The following ATM variants were observed in gnomAD, a reference collection of about 807,000 sequenced individuals.
ATM encodes ATM serine/threonine kinase.
In ATM, 308 loss-of-function variants were observed where a neutral mutation model predicts 387.0. The observed-to-expected ratio is 0.80, with a 90% CI of 0.73 to 0.87. ATM has a LOEUF of 0.87. Ranked by LOEUF, ATM falls within the 40% of genes least tolerant of loss-of-function variation. The probability of loss-of-function intolerance (pLI) is 0.00; values close to 1 mark genes in which losing one functional copy is unlikely to be tolerated. For synonymous variants in ATM, 1,156 were observed against 1,187.3 expected (o/e 0.97, Z 0.54); for missense variants, 3,312 against 3,560.9 (o/e 0.93, Z 1.78).
Position 108,279,617 on chromosome 11 carries a change from A to G in ATM, c.3402+9A>G, listed in dbSNP as rs761919506. ...AAGGAATGAGAGAAATGGTAATTTT[A>G]AGTAACATGTATTTGCTGTTATCAT... On this transcript the variant is annotated intron_variant, in intron 23 of 62. Coordinates refer to ENST00000675843, the MANE Select transcript of ATM (RefSeq NM_000051.4). 13 of 1,578,910 alleles carry G rather than the reference A, an allele frequency of 8.2e-6. No homozygotes were observed. Among genetic ancestry groups the G allele is most frequent in the Admixed American group, 1.7e-5 (1 of 59,944 alleles).
intron 4 of ATM, among the ~76,000 whole-genome samples, chr11:108,232,527 C>CTTTTTTT (rs71047685): frequency 1.7e-5 from 1 of 58,178 alleles, no homozygotes; most frequent in Non-Finnish European, 3.1e-5. Context: ...GATTTCTCTC[C>CTTTTTTT]TTTTTTTTTT....
rs550902474 is a variant in ATM at position 108,266,258 on chromosome 11, G to T, written c.2467-913G>T. On this transcript the variant is annotated intron_variant, in intron 16 of 62. Coordinates refer to ENST00000675843, the MANE Select transcript of ATM (RefSeq NM_000051.4). ...CCAAATGTCCAACAATGATAGACTG[G>T]ATTAAGAAACTGTGGCACATATACA... is the stretch of plus-strand genomic sequence containing the variant. 1.5e-4 allele frequency among the ~76,000 whole-genome samples: 22 copies of T among 151,610 alleles called. No homozygotes were observed. The East Asian group carries it at 4.3e-3, about 30-fold the overall frequency.
At chr11:108,290,936 A>G (rs764587121) in intron 29 of ATM, among the ~76,000 whole-genome samples, 3 of 152,042 alleles carry the variant, frequency 2.0e-5, no homozygotes, top group Non-Finnish European at 2.9e-5. Context: ...AAATGTTACT[A>G]TAGAATTGGG....
At chr11:108,288,109 G>A (rs1211277571) in intron 27 of ATM, among the ~76,000 whole-genome samples, 1 of 148,708 alleles carries the variant, frequency 6.7e-6, no homozygotes. Flanking sequence ...TCACTCTGTT[G>A]CCCTGGCTGG....
chr11:108,310,152 T>C lies in ATM; in HGVS notation c.5763-8T>C. ...AAGTGAATGACATTATATCTCATTT[T>C]TCTTTAGACCTTCTTCAGGAACAAT... is the stretch of plus-strand genomic sequence containing the variant. On this transcript the variant is annotated splice_polypyrimidine_tract_variant and splice_region_variant and intron_variant, in intron 38 of 62. Transcript: ENST00000675843. 6.2e-7 allele frequency: 1 copy of C among 1,612,054 alleles called. No individual in the cohort carries two copies. The highest frequency in any genetic ancestry group is 8.5e-7 in the Non-Finnish European group (1 of 1,178,612).
rs753483198 is a variant in ATM, at chr11:108,302,830, T to A, written c.5320-23T>A. 1.5e-5 allele frequency: 24 copies of A among 1,591,846 alleles called. No homozygotes were observed. The Admixed American group carries it at 3.8e-4, about 26-fold the overall frequency. ...ATGATTTCCACTTCTCTTATTTACATTTTCTAATCCCTTTCTTTCTAGTTT... is the reference window on the plus strand; with the variant it reads ...ATGATTTCCACTTCTCTTATTTACAATTTCTAATCCCTTTCTTTCTAGTTT... On this transcript the variant is annotated intron_variant, in intron 35 of 62. Coordinates refer to ENST00000675843, the MANE Select transcript of ATM (RefSeq NM_000051.4).
At chr11:108,348,983 G>A (rs879455041) in intron 59 of ATM, among the ~76,000 whole-genome samples, 7 of 151,990 alleles carry the variant, frequency 4.6e-5, no homozygotes, top group Admixed American at 2.6e-4. Context: ...ATGTAATGAC[G>A]GAGATCCAGA....
intron 61 of ATM, among the ~76,000 whole-genome samples, chr11:108,362,500 G>A (rs1004864526): frequency 6.0e-5 from 9 of 149,328 alleles, no homozygotes; most frequent in African/African-American, 1.7e-4. Context: ...ACATGCACAC[G>A]TATGTTTATT....
At chr11:108,320,908 C>A (rs1456008007) in intron 44 of ATM, among the ~76,000 whole-genome samples, 1 of 152,062 alleles carries the variant, frequency 6.6e-6, no homozygotes, top group Non-Finnish European at 1.5e-5. Context: ...CATATTCTTA[C>A]AATAAAGTAA....
At chr11:108,344,416 G>A (rs898917288) in intron 57 of ATM, among the ~76,000 whole-genome samples, 5 of 152,202 alleles carry the variant, frequency 3.3e-5, no homozygotes, top group Admixed American at 2.0e-4. Context: ...GTTTGAGGAA[G>A]AAAAGATGAG....
Position 108,297,151 on chromosome 11 carries a change from T to G in ATM, c.4910-136T>G. 6.1e-6 allele frequency: 4 copies of G among 660,642 alleles called. No individual in the cohort carries two copies. The Middle Eastern group carries it at 1.2e-3, about 206-fold the overall frequency. The allele number at this position is 660,642 out of a possible 1,614,324, so 40.9% of individuals were successfully genotyped here. A position where few individuals can be genotyped will look rare whatever the true frequency, so the allele number is the denominator to read the frequency against. ...TCAGATTCATTCCCTACATATTTTT[T>G]GAGCTACTCATGACTTAAAACCTTT... On this transcript the variant is annotated intron_variant, in intron 32 of 62. Transcript: ENST00000675843.
chr11:108,248,056 A>T (rs774152591), intron 8 of ATM, among the ~76,000 whole-genome samples: 24 of 152,152 alleles, frequency 1.6e-4, no homozygotes, highest in Non-Finnish European at 2.8e-4. Context: ...ACAATATGTG[A>T]GTCTTTTGTG....
chr11:108,360,142 C>G (rs2090538616), intron 61 of ATM, among the ~76,000 whole-genome samples: 2 of 150,804 alleles, frequency 1.3e-5, no homozygotes, highest in Admixed American at 1.3e-4. Flanking sequence ...GAAATACAAA[C>G]TACCATCAGA....
Position 108,335,073 on chromosome 11 carries a change from A to C in ATM, c.8115A>C (p.Val2705=), listed in dbSNP as rs1188411746. Residue 2705 remains valine, a synonymous_variant, in exon 55 of 63, where the codon GTA becomes GTC. Transcript: ENST00000675843. Reference sequence around the variant, plus strand: ...ATTTACCAAAAATAATAGATTGTGTAGGTTCCGATGGCAAGGAGAGGAGAC... The same window carrying C: ...ATTTACCAAAAATAATAGATTGTGTCGGTTCCGATGGCAAGGAGAGGAGAC... ...GVNLPKIIDC[V]GSDGKERRQL... 2.5e-6 allele frequency: 4 copies of C among 1,614,022 alleles called. No individual in the cohort carries two copies. The South Asian group carries it at 4.4e-5, about 18-fold the overall frequency.
chr11:108,299,920 A>G (rs1288277352), intron 34 of ATM, 35 bp downstream of exon 34: 1 of 1,567,488 alleles, frequency 6.4e-7, no homozygotes, highest in African/African-American at 1.4e-5. Context: ...TGTAATCTCA[A>G]TATGACATTC....
chr11:108,250,683 CTTT>C lies in ATM; in HGVS notation c.1236-5_1236-3del, dbSNP rs34325032. On this transcript the variant is annotated splice_polypyrimidine_tract_variant and intron_variant, in intron 9 of 62. Coordinates refer to ENST00000675843, the MANE Select transcript of ATM (RefSeq NM_000051.4). Reference sequence around the variant, plus strand: ...GTGATGGAATAGTTTTCAAATTATCCTTTTTTTTTTTTTTTAGGCTACAGATTG... The same window carrying C: ...GTGATGGAATAGTTTTCAAATTATCCTTTTTTTTTTTTAGGCTACAGATTG... The C allele has an allele frequency of 2.7e-4, 404 of 1,501,298 alleles. No individual in the cohort carries two copies. Among genetic ancestry groups the C allele is most frequent in the Admixed American group, 7.3e-4 (39 of 53,106 alleles). 93.0% of individuals were successfully genotyped at this position (1,501,298 alleles called of 1,614,324 possible).
At chr11:108,357,499 G>A (rs987140078) in intron 61 of ATM, among the ~76,000 whole-genome samples, 22 of 152,230 alleles carry the variant, frequency 1.4e-4, no homozygotes, top group Non-Finnish European at 2.8e-4. Context: ...GCAGGGCACA[G>A]ACAAACAAAA....
At chr11:108,312,332 G>T (rs1214927404) in intron 39 of ATM, 79 bp from the exon 40 acceptor site, 3 of 1,096,714 alleles carry the variant, frequency 2.7e-6, no homozygotes, top group Non-Finnish European at 2.8e-6. Context: ...GTTTTTTTCT[G>T]TCAAAGTCTA....
At chr11:108,358,616 C>A in intron 61 of ATM, among the ~76,000 whole-genome samples, 1 of 134,010 alleles carries the variant, frequency 7.5e-6, no homozygotes, top group Admixed American at 7.8e-5. Flanking sequence ...ACCCTACAAG[C>A]CAGAAGAGAG....
Sources: gnomAD v4.1 joint callset for allele counts (sites outside exome capture counted in the v4.1 genomes callset) on GRCh38, gnomAD v4.1.1 for gene constraint, MANE v1.5 for transcripts, NCBI Gene and HGNC (gene_info 2026-07-23, HGNC 2026-07-21) for gene names.